LRRC37A2: variants seen among roughly 807,000 people sequenced by gnomAD.
LRRC37A2 encodes leucine-rich repeat-containing protein 37A2.
Under a neutral mutation model 68.8 loss-of-function variants are expected in LRRC37A2, and 9 were observed. The observed-to-expected ratio is 0.13, with a 90% CI of 0.08 to 0.23. LRRC37A2 has a LOEUF of 0.23. Among genes scored for constraint, LRRC37A2 ranks in the 10% least tolerant of loss-of-function variants. The pLI, the probability that LRRC37A2 is intolerant of heterozygous loss-of-function variation, is 1.00. For missense variants in LRRC37A2, 168 were observed against 950.4 expected (o/e 0.18, Z 10.82); for synonymous variants, 63 against 367.6 (o/e 0.17, Z 9.48).
the LRRC37A2 span, among the ~76,000 whole-genome samples, chr17:46,715,702 T>C: frequency 6.6e-6 from 1 of 152,228 alleles, no homozygotes; most frequent in Admixed American, 6.5e-5. Flanking sequence ...TTTAATCTCT[T>C]GCAAATTGAC....
the LRRC37A2 span, among the ~76,000 whole-genome samples, chr17:46,489,576 C>G: frequency 6.8e-6 from 1 of 147,940 alleles, no homozygotes; most frequent in Non-Finnish European, 1.5e-5. Flanking sequence ...ACTTCCACCT[C>G]CCTGGTTCAA....
the LRRC37A2 span, chr17:46,751,358 G>T: frequency 1.5e-6 from 1 of 648,358 alleles, no homozygotes; most frequent in South Asian, 2.0e-5. Flanking sequence ...GTGAAGGTCA[G>T]ACTGGATTTT....
chr17:46,939,993 C>T, the LRRC37A2 span: 1 of 1,011,130 alleles, frequency 9.9e-7, no homozygotes, highest in Non-Finnish European at 1.2e-6. Flanking sequence ...CAAAATCCTT[C>T]AGATCTGGAA....
the LRRC37A2 span, chr17:46,769,653 C>G: frequency 4.1e-4 from 534 of 1,299,780 alleles, 3 homozygotes; most frequent in African/African-American, 6.8e-3. Context: ...GGAGGCCAAG[C>G]CTGGCCAAGG....
At chr17:46,979,358 A>C in the LRRC37A2 span, 5 of 173,934 alleles carry the variant, frequency 2.9e-5, no homozygotes, top group Non-Finnish European at 3.7e-5. Flanking sequence ...AGGGGCGGGA[A>C]TCCCGCCGCG....
the LRRC37A2 span, among the ~76,000 whole-genome samples, chr17:46,886,962 G>A: frequency 2.0e-5 from 3 of 152,006 alleles, no homozygotes; most frequent in Non-Finnish European, 2.9e-5. Flanking sequence ...GATTACAGGC[G>A]TGCACCACTA....
chr17:46,844,116 G>A, the LRRC37A2 span, among the ~76,000 whole-genome samples: 3 of 152,048 alleles, frequency 2.0e-5, no homozygotes, highest in Admixed American at 6.6e-5. Flanking sequence ...ACAATGCCTG[G>A]CTAATTTTTT....
the LRRC37A2 span, among the ~76,000 whole-genome samples, chr17:46,975,709 C>T: frequency 0.032 from 4,902 of 152,248 alleles, 130 homozygotes; most frequent in Middle Eastern, 0.11. Context: ...CATGTGCCCA[C>T]GTGTGCAGAC....
chr17:46,781,138 G>A, the LRRC37A2 span, among the ~76,000 whole-genome samples: 1 of 151,786 alleles, frequency 6.6e-6, no homozygotes, highest in East Asian at 1.9e-4. Context: ...TGAGACAGGA[G>A]TATTGCTTGA....
chr17:46,755,594 A>C, the LRRC37A2 span: 1 of 693,818 alleles, frequency 1.4e-6, no homozygotes, highest in South Asian at 1.9e-5. Context: ...GGAAAAACTT[A>C]ATGGTACATA....
the LRRC37A2 span, among the ~76,000 whole-genome samples, chr17:46,867,510 G>A: frequency 0.084 from 12,765 of 152,268 alleles, 800 homozygotes; most frequent in East Asian, 0.37. Context: ...AACAGCCTTG[G>A]GGCATGAGAT....
the LRRC37A2 span, among the ~76,000 whole-genome samples, chr17:46,960,588 G>A: frequency 6.6e-6 from 1 of 152,088 alleles, no homozygotes; most frequent in Non-Finnish European, 1.5e-5. Flanking sequence ...ACCAAAACAG[G>A]ATACAACCCA....
At chr17:46,978,300 A>C in the LRRC37A2 span, 4 of 328,930 alleles carry the variant, frequency 1.2e-5, no homozygotes, top group East Asian at 2.6e-4. Flanking sequence ...GCACCAACGT[A>C]CACACAAAAC....
chr17:46,736,569 T>C, the LRRC37A2 span, among the ~76,000 whole-genome samples: 2 of 152,212 alleles, frequency 1.3e-5, no homozygotes, highest in African/African-American at 4.8e-5. Flanking sequence ...TTGTTTCCTG[T>C]ACTTTATAGA....
chr17:47,017,906 C>T, the LRRC37A2 span: 2 of 1,612,684 alleles, frequency 1.2e-6, no homozygotes, highest in East Asian at 4.5e-5. Flanking sequence ...CCTCTTCACT[C>T]CAACAAGAAG....
At chr17:46,848,042 C>G in the LRRC37A2 span, among the ~76,000 whole-genome samples, 12 of 152,084 alleles carry the variant, frequency 7.9e-5, no homozygotes, top group East Asian at 9.7e-4. Flanking sequence ...CAGCCCTGAG[C>G]GCTGGCTGCC....
At chr17:46,799,419 C>T in the LRRC37A2 span, among the ~76,000 whole-genome samples, 1 of 151,210 alleles carries the variant, frequency 6.6e-6, no homozygotes, top group African/African-American at 2.4e-5. Context: ...TAATGATTCA[C>T]CTTCAACTCA....
the LRRC37A2 span, among the ~76,000 whole-genome samples, chr17:46,970,891 A>G: frequency 6.6e-6 from 1 of 152,236 alleles, no homozygotes; most frequent in Non-Finnish European, 1.5e-5. Flanking sequence ...CTAGAATAAC[A>G]TTTTCTGGAG....
the LRRC37A2 span, chr17:46,933,420 C>T: frequency 6.6e-6 from 1 of 152,178 alleles, no homozygotes; most frequent in African/African-American, 2.4e-5. Context: ...AGAGAAGTCT[C>T]TGAGTCTTTC....
Sources: gnomAD v4.1 joint callset for allele counts (sites outside exome capture counted in the v4.1 genomes callset) on GRCh38, gnomAD v4.1.1 for gene constraint, MANE v1.5 for transcripts, NCBI Gene and HGNC (gene_info 2026-07-23, HGNC 2026-07-21) for gene names.